RSPRY1: variants seen among roughly 807,000 people sequenced by gnomAD.
RSPRY1 encodes ring finger and SPRY domain containing 1, also known as RING finger and SPRY domain-containing protein 1.
In RSPRY1, 23 loss-of-function variants were observed where a neutral mutation model predicts 73.1. The observed-to-expected ratio is 0.31, with a 90% CI of 0.23 to 0.45. The LOEUF (loss-of-function observed/expected upper bound fraction) is 0.45. RSPRY1 is among the 20% of genes least tolerant of loss of function. The pLI is 1.00. For synonymous variants in RSPRY1, 226 were observed against 251.4 expected (o/e 0.90, Z 0.95); for missense variants, 448 against 698.7 (o/e 0.64, Z 4.05).
chr16:57,221,217 C>T (rs2075029214), intron 9 of RSPRY1, 55 bp from the exon 10 acceptor site: 3 of 1,596,242 alleles, frequency 1.9e-6, no homozygotes, highest in South Asian at 1.1e-5. Flanking sequence ...AGTCAGTTAT[C>T]TTTGGTGGTC....
intron 4 of RSPRY1, among the ~76,000 whole-genome samples, chr16:57,209,390 G>A (rs1442182879): frequency 1.3e-5 from 2 of 152,026 alleles, no homozygotes; most frequent in Non-Finnish European, 2.9e-5. Flanking sequence ...TGAGACAAGA[G>A]TCTCACTCTG....
At chr16:57,193,217 G>A (rs1356985638) in intron 1 of RSPRY1, among the ~76,000 whole-genome samples, 5 of 152,072 alleles carry the variant, frequency 3.3e-5, no homozygotes, top group Admixed American at 6.6e-5. Flanking sequence ...AAGTAAAAAC[G>A]CCTCATCAAG....
intron 6 of RSPRY1, among the ~76,000 whole-genome samples, chr16:57,215,036 A>G (rs2146296695): frequency 6.6e-6 from 1 of 152,250 alleles, no homozygotes; most frequent in South Asian, 2.1e-4. Flanking sequence ...TCAAAAAAAA[A>G]AAAAGACTAA....
intron 8 of RSPRY1, among the ~76,000 whole-genome samples, chr16:57,219,119 A>G (rs1272450134): frequency 6.6e-6 from 1 of 152,180 alleles, no homozygotes; most frequent in Non-Finnish European, 1.5e-5. Context: ...TGCAATAAAC[A>G]TGCGATTGCA....
chr16:57,219,031 C>T (rs1196387046), intron 8 of RSPRY1, among the ~76,000 whole-genome samples: 5 of 123,036 alleles, frequency 4.1e-5, no homozygotes, highest in East Asian at 3.3e-4. Context: ...CCACCGCGCC[C>T]GGCCACATTT....
At chr16:57,224,968 A>T (rs1303549169) in intron 10 of RSPRY1, among the ~76,000 whole-genome samples, 1 of 152,254 alleles carries the variant, frequency 6.6e-6, no homozygotes, top group Non-Finnish European at 1.5e-5. Context: ...CACAATGCCT[A>T]CATTTTAGTG....
At position 57,221,358 on chromosome 16, in the gene RSPRY1, C is replaced by A. The variant is rs1166027381; in HGVS notation, c.1104C>A (p.Val368=). The A allele has an allele frequency of 6.2e-7, 1 of 1,613,872 alleles. No individual in the cohort carries two copies. Among genetic ancestry groups the A allele is most frequent in the Admixed American group, 1.7e-5 (1 of 59,990 alleles). ...TATGGTACTATGAAGTAACAGTGGTCACTTCTGGCGTCATGCAGATTGGCT... is the reference window on the plus strand; with the variant it reads ...TATGGTACTATGAAGTAACAGTGGTAACTTCTGGCGTCATGCAGATTGGCT... ...AGVWYYEVTV[V]TSGVMQIGWA... is the part of the protein sequence containing the mutation. The change falls in exon 10 of 15, where the codon GTC becomes GTA. Residue 368 remains valine (V), a synonymous_variant. Coordinates refer to ENST00000394420, the MANE Select transcript of RSPRY1 (RefSeq NM_133368.3).
intron 4 of RSPRY1, among the ~76,000 whole-genome samples, chr16:57,209,649 G>A (rs1480605982): frequency 3.3e-5 from 5 of 152,118 alleles, no homozygotes; most frequent in Non-Finnish European, 7.4e-5. Flanking sequence ...CTACAGGCAT[G>A]AGCCACTGCA....
chr16:57,213,722 C>T (rs901943195), intron 5 of RSPRY1, among the ~76,000 whole-genome samples, 166 bp from the exon 6 acceptor site: 4 of 152,178 alleles, frequency 2.6e-5, no homozygotes, highest in Non-Finnish European at 5.9e-5. Flanking sequence ...TGTGGGCTCA[C>T]TTGCTTAACT....
chr16:57,238,785 C>A (rs1227662193), intron 14 of RSPRY1, 94 bp from the exon 15 acceptor site: 4 of 617,380 alleles, frequency 6.5e-6, no homozygotes, highest in Non-Finnish European at 1.1e-5. Flanking sequence ...TTTCAATGAA[C>A]AAACTTGTTA....
At chr16:57,192,335 G>C (rs1444988639) in intron 1 of RSPRY1, among the ~76,000 whole-genome samples, 3 of 151,986 alleles carry the variant, frequency 2.0e-5, no homozygotes, top group South Asian at 2.1e-4. Context: ...GGCCTCCTGG[G>C]GGGAAAACCA....
chr16:57,202,856 A>G (rs1486998478), intron 1 of RSPRY1, among the ~76,000 whole-genome samples: 1 of 140,022 alleles, frequency 7.1e-6, no homozygotes, highest in African/African-American at 2.6e-5. Context: ...CTCCCTCTTT[A>G]TATATATTTT....
In RSPRY1 at chr16:57,209,060, T is replaced by C; in HGVS notation, c.404-15T>C. The C allele has an allele frequency of 1.3e-6, 2 of 1,536,650 alleles. No homozygotes were observed. The highest frequency in any genetic ancestry group is 1.1e-5 in the South Asian group (1 of 87,148). ...ATAGTGACTCCATCATATAATCTTC[T>C]TGATTTGCTCTTAGATGAAGGATGG... On this transcript the variant is annotated splice_polypyrimidine_tract_variant and intron_variant, in intron 3 of 14. Transcript: ENST00000394420.
intron 2 of RSPRY1, 37 bp downstream of exon 2, chr16:57,205,045 A>G: frequency 6.6e-7 from 1 of 1,508,724 alleles, no homozygotes; most frequent in Admixed American, 1.8e-5. Context: ...CAGTGGAATG[A>G]AAAGTGTTCT....
chr16:57,193,128 T>C (rs913803988), intron 1 of RSPRY1, among the ~76,000 whole-genome samples: 2 of 152,320 alleles, frequency 1.3e-5, no homozygotes, highest in South Asian at 2.1e-4. Context: ...CCAGACTTCT[T>C]GACAGTTACA....
chr16:57,229,767 G>A (rs1444322565), intron 11 of RSPRY1, among the ~76,000 whole-genome samples: 9 of 112,896 alleles, frequency 8.0e-5, no homozygotes, highest in Admixed American at 6.2e-4. Flanking sequence ...GTGCAGTGGC[G>A]CGATCTCAGC....
intron 10 of RSPRY1, among the ~76,000 whole-genome samples, chr16:57,226,298 G>A (rs528311291): frequency 6.6e-6 from 1 of 152,308 alleles, no homozygotes; most frequent in Non-Finnish European, 1.5e-5. Context: ...TCCCAAGAGA[G>A]GGTTTTTGGA....
chr16:57,220,772 C>T lies in RSPRY1; in HGVS notation c.942C>T (p.Asn314=), dbSNP rs2075021725. The T allele has an allele frequency of 8.1e-6, 13 of 1,613,774 alleles. No homozygotes were observed. In the East Asian group the frequency reaches 2.9e-4, roughly 36 times the overall value. The change falls in exon 9 of 15, where the codon AAC becomes AAT. Residue 314 remains asparagine, a synonymous_variant. Coordinates refer to ENST00000394420, the MANE Select transcript of RSPRY1 (RefSeq NM_133368.3). ...EGRQLTYEKV[N]LSSIRAMLNS... ...GACAGCTGACCTATGAGAAAGTGAA[C>T]TTGAGTAGCATTAGGGCCATGCTGA...
intron 10 of RSPRY1, among the ~76,000 whole-genome samples, chr16:57,226,398 G>T (rs2075121865): frequency 1.3e-5 from 2 of 152,194 alleles, no homozygotes; most frequent in African/African-American, 4.8e-5. Context: ...TACTCTATAG[G>T]CAGAGCAGTG....
Sources: gnomAD v4.1 joint callset for allele counts (sites outside exome capture counted in the v4.1 genomes callset) on GRCh38, gnomAD v4.1.1 for gene constraint, MANE v1.5 for transcripts, NCBI Gene and HGNC (gene_info 2026-07-23, HGNC 2026-07-21) for gene names.